ADGRL3: variants seen among roughly 807,000 people sequenced by gnomAD.
ADGRL3 encodes calcium-independent alpha-latrotoxin receptor 3.
A neutral mutation model predicts 153.5 loss-of-function variants in ADGRL3; 62 were observed. That is an observed-to-expected ratio of 0.40 (90% CI 0.33 to 0.50). ADGRL3 has a LOEUF of 0.50. Among genes scored for constraint, ADGRL3 ranks in the 20% least tolerant of loss-of-function variants. The pLI is 0.47. For missense variants in ADGRL3, 1,641 were observed against 1,859.4 expected (o/e 0.88, Z 2.16); for synonymous variants, 710 against 672.5 (o/e 1.06, Z -0.86).
At chr4:61,980,547 C>G (rs1470237200) in intron 18 of ADGRL3, among the ~76,000 whole-genome samples, 2 of 151,922 alleles carry the variant, frequency 1.3e-5, no homozygotes, top group Non-Finnish European at 2.9e-5. Context: ...TCAAGCGATC[C>G]TCCCACCACA....
chr4:61,569,438 C>T (rs1291433985), intron 4 of ADGRL3, among the ~76,000 whole-genome samples: 1 of 152,098 alleles, frequency 6.6e-6, no homozygotes, highest in African/African-American at 2.4e-5. Context: ...AGTTTTCCTT[C>T]AAACTCCCAA....
At chr4:62,067,767 C>T (rs1052647702) in intron 25 of ADGRL3, among the ~76,000 whole-genome samples, 1 of 151,902 alleles carries the variant, frequency 6.6e-6, no homozygotes, top group Non-Finnish European at 1.5e-5. Flanking sequence ...AATAACATTC[C>T]TTGAAGCACG....
At chr4:61,602,991 G>A (rs2099017825) in intron 5 of ADGRL3, among the ~76,000 whole-genome samples, 1 of 151,874 alleles carries the variant, frequency 6.6e-6, no homozygotes, top group Non-Finnish European at 1.5e-5. Flanking sequence ...CTTTGGCCTG[G>A]GTATTGAATA....
intron 9 of ADGRL3, among the ~76,000 whole-genome samples, chr4:61,819,356 A>G (rs2097724849): frequency 6.6e-6 from 1 of 152,102 alleles, no homozygotes; most frequent in Non-Finnish European, 1.5e-5. Flanking sequence ...CCTACAAACT[A>G]ACACTAGCTA....
At chr4:61,728,714 G>T (rs187440833) in intron 6 of ADGRL3, among the ~76,000 whole-genome samples, 4 of 152,134 alleles carry the variant, frequency 2.6e-5, no homozygotes, top group Admixed American at 2.0e-4. Flanking sequence ...AATTAGTTCT[G>T]AAAACTTCTT....
intron 4 of ADGRL3, among the ~76,000 whole-genome samples, chr4:61,530,310 A>G (rs977299040): frequency 6.6e-6 from 1 of 151,836 alleles, no homozygotes; most frequent in African/African-American, 2.4e-5. Context: ...GTACAACTAT[A>G]TGGTCTTTCA....
intron 6 of ADGRL3, among the ~76,000 whole-genome samples, chr4:61,727,033 G>A: frequency 6.6e-6 from 1 of 152,110 alleles, no homozygotes; most frequent in East Asian, 1.9e-4. Flanking sequence ...AAACTTGGCA[G>A]TACATACCTA....
intron 5 of ADGRL3, among the ~76,000 whole-genome samples, chr4:61,638,724 G>A (rs1343577841): frequency 6.6e-6 from 1 of 152,080 alleles, no homozygotes; most frequent in Non-Finnish European, 1.5e-5. Context: ...AAGTTAAACA[G>A]GAAAGGCTCA....
Position 61,569,681 on chromosome 4 carries a change from G to T in ADGRL3, c.260-17546G>T, listed in dbSNP as rs901137759. ...CACATAAATAGAATAGTACAGTGTA[G>T]TATTTTGTGTCTGGCTTCTTTTATT... On this transcript the variant is annotated intron_variant, in intron 4 of 26. Coordinates refer to ENST00000683033, the MANE Select transcript of ADGRL3 (RefSeq NM_001387552.1). Among the ~76,000 whole-genome samples, 12 of 152,130 alleles carry T rather than the reference G, an allele frequency of 7.9e-5. 1 individual carries two copies. The highest frequency in any genetic ancestry group is 2.9e-4 in the African/African-American group (12 of 41,440).
intron 5 of ADGRL3, among the ~76,000 whole-genome samples, chr4:61,651,249 A>G (rs1046774189): frequency 1.3e-5 from 2 of 152,208 alleles, no homozygotes; most frequent in Admixed American, 1.3e-4. Context: ...AATAATTGCT[A>G]TCTCCAAACA....
intron 5 of ADGRL3, among the ~76,000 whole-genome samples, chr4:61,605,089 CAAAAAAAAAAA>C (rs71211396): frequency 3.3e-5 from 2 of 61,420 alleles, no homozygotes; most frequent in African/African-American, 1.3e-4. Context: ...GACTCTGTCT[CAAAAAAAAAAA>C]AAAAAAAAAA....
chr4:61,682,556 T>G (rs1310297557), intron 6 of ADGRL3, among the ~76,000 whole-genome samples: 2 of 126,298 alleles, frequency 1.6e-5, no homozygotes, highest in Non-Finnish European at 3.3e-5. Context: ...TTTCTTTCTT[T>G]AAAAAAATTT....
chr4:61,539,444 G>A (rs564555459), intron 4 of ADGRL3, among the ~76,000 whole-genome samples: 327 of 152,304 alleles, frequency 2.1e-3, no homozygotes, highest in Non-Finnish European at 3.6e-3. Flanking sequence ...CCCTCACTGA[G>A]CGTTAGATCT....
intron 25 of ADGRL3, among the ~76,000 whole-genome samples, chr4:62,051,932 A>G (rs1035532526): frequency 1.3e-5 from 2 of 151,726 alleles, no homozygotes; most frequent in African/African-American, 4.8e-5. Flanking sequence ...CTAAGTGTGA[A>G]GATTCCAACT....
intron 4 of ADGRL3, among the ~76,000 whole-genome samples, chr4:61,528,758 A>T (rs1168399404): frequency 6.6e-6 from 1 of 152,124 alleles, no homozygotes; most frequent in Non-Finnish European, 1.5e-5. Flanking sequence ...ATTTTGTTTT[A>T]TGCCATGCTG....
chr4:61,752,488 A>C (rs183278217), intron 8 of ADGRL3, among the ~76,000 whole-genome samples: 1 of 149,184 alleles, frequency 6.7e-6, no homozygotes, highest in Non-Finnish European at 1.5e-5. Flanking sequence ...GTTCATTCAG[A>C]TTTCTCTGTG....
chr4:61,276,886 T>C (rs2149897657), intron 1 of ADGRL3, among the ~76,000 whole-genome samples: 1 of 152,262 alleles, frequency 6.6e-6, no homozygotes, highest in South Asian at 2.1e-4. Context: ...GACATCATAA[T>C]ACCCAATATT....
At chr4:61,663,110 C>T (rs1333106708) in intron 5 of ADGRL3, among the ~76,000 whole-genome samples, 5 of 152,156 alleles carry the variant, frequency 3.3e-5, no homozygotes, top group Non-Finnish European at 7.3e-5. Context: ...GACAAGAACT[C>T]GGGACCCTCC....
At chr4:61,380,404 T>G (rs2096653427) in intron 1 of ADGRL3, among the ~76,000 whole-genome samples, 1 of 152,030 alleles carries the variant, frequency 6.6e-6, no homozygotes, top group African/African-American at 2.4e-5. Context: ...AACTTTCCAT[T>G]TTAGGATTAG....
Sources: allele counts gnomAD v4.1 joint callset (sites outside exome capture counted in the v4.1 genomes callset), GRCh38; gene constraint gnomAD v4.1.1; transcripts MANE v1.5; gene names NCBI Gene and HGNC (gene_info 2026-07-23, HGNC 2026-07-21).